Variants in RHOU observed in about 807,000 individuals in gnomAD.
RHOU encodes the protein ras homolog family member U.
Under a neutral mutation model 12.6 loss-of-function variants are expected in RHOU, and 8 were observed. The ratio of observed to expected loss-of-function variants is 0.64; its 90% CI spans 0.37 to 1.15. RHOU has a LOEUF of 1.15. Among genes scored for constraint, RHOU ranks in the 50% most tolerant of loss-of-function variants. RHOU has a pLI of 0.01. For synonymous variants in RHOU, 161 were observed against 147.4 expected (o/e 1.09, Z -0.67); for missense variants, 258 against 347.0 (o/e 0.74, Z 2.04).
rs1662648211 is a variant in RHOU at position 228,738,023 on chromosome 1, C to A, written c.321+292C>A. Among the ~76,000 whole-genome samples, 1 of 152,224 alleles carries A rather than the reference C, an allele frequency of 6.6e-6. No individual in the cohort carries two copies. The highest frequency in any genetic ancestry group is 2.1e-4 in the South Asian group (1 of 4,836). On this transcript the variant is annotated intron_variant, in intron 2 of 2. Coordinates refer to ENST00000366691, the MANE Select transcript of RHOU (RefSeq NM_021205.6). The surrounding 1 kb of genome is among the most constrained non-coding windows in gnomAD (Gnocchi z 4.2). ...CTCTTGTAGGAGTTTCTATTACTTACTCCCTGGTTTTTATGAAAAAATTTC... is the reference window on the plus strand; with the variant it reads ...CTCTTGTAGGAGTTTCTATTACTTAATCCCTGGTTTTTATGAAAAAATTTC...
At chr1:228,721,094 G>C in the RHOU span, among the ~76,000 whole-genome samples, 1 of 152,176 alleles carries the variant, frequency 6.6e-6, no homozygotes, top group African/African-American at 2.4e-5. Context: ...TTGAGGTCAG[G>C]AGTTTGAGAC....
chr1:228,684,284 G>A, the RHOU span, among the ~76,000 whole-genome samples: 369 of 151,236 alleles, frequency 2.4e-3, no homozygotes, highest in Non-Finnish European at 4.3e-3. Context: ...TGATCCTCCC[G>A]CCTCAGCCTC....
At chr1:228,697,577 G>A in the RHOU span, among the ~76,000 whole-genome samples, 1 of 152,154 alleles carries the variant, frequency 6.6e-6, no homozygotes, top group African/African-American at 2.4e-5. Flanking sequence ...TAGGTTTATC[G>A]TGCTGACTGG....
the RHOU span, among the ~76,000 whole-genome samples, chr1:228,689,890 C>T: frequency 6.6e-6 from 1 of 152,136 alleles, no homozygotes; most frequent in African/African-American, 2.4e-5. Context: ...TATAAGCCAT[C>T]TGTGAACCAT....
At position 228,735,737 on chromosome 1, in the gene RHOU, G is replaced by C; in HGVS notation, c.-6G>C. On this transcript the variant is annotated 5_prime_UTR_variant, in exon 1 of 3. Coordinates refer to ENST00000366691, the MANE Select transcript of RHOU (RefSeq NM_021205.6). This position sits in a 1 kb window ranked among gnomAD's most constrained non-coding sequence, Gnocchi z 8.1. ...CCCGCGACCGCAAGCCCGCGCTCGC[G>C]GATCGATGCCCCCGCAGCAGGGGGA... is the stretch of plus-strand genomic sequence containing the variant. 8.3e-7 allele frequency: 1 copy of C among 1,204,520 alleles called. No individual in the cohort carries two copies. Among genetic ancestry groups the C allele is most frequent in the East Asian group, 3.5e-5 (1 of 28,974 alleles). 74.6% of individuals were successfully genotyped at this position (1,204,520 alleles called of 1,614,324 possible). A position where few individuals can be genotyped will look rare whatever the true frequency, so the allele number is the denominator to read the frequency against.
At chr1:228,703,196 A>G in the RHOU span, among the ~76,000 whole-genome samples, 19 of 152,334 alleles carry the variant, frequency 1.2e-4, no homozygotes, top group Non-Finnish European at 2.5e-4. Flanking sequence ...ACCCTTTCAA[A>G]TGGAAATTTC....
the RHOU span, among the ~76,000 whole-genome samples, chr1:228,728,256 A>G: frequency 6.6e-6 from 1 of 152,218 alleles, no homozygotes; most frequent in Non-Finnish European, 1.5e-5. Context: ...CAGCGAGTCT[A>G]GCCTTTCTCC....
Position 228,743,209 on chromosome 1 carries a change from GA to G in RHOU, c.322-71del. On this transcript the variant is annotated intron_variant, in intron 2 of 2. Transcript: ENST00000366691. The surrounding 1 kb of genome is among the most constrained non-coding windows in gnomAD (Gnocchi z 5.1). ...TCTATCACCTGCCAGACCCTTTCAT[GA>G]AAAATGTGAAGGTGATCTTTTTACT... The G allele has an allele frequency of 1.5e-6, 2 of 1,352,656 alleles. No homozygotes were observed. The highest frequency in any genetic ancestry group is 1.4e-5 in the African/African-American group (1 of 69,318). The allele number at this position is 1,352,656 out of a possible 1,614,324, so 83.8% of individuals were successfully genotyped here.
At chr1:228,659,085 C>CA in the RHOU span, among the ~76,000 whole-genome samples, 1 of 150,376 alleles carries the variant, frequency 6.6e-6, no homozygotes. Context: ...TTTAAAAAAA[C>CA]AAAAAACAAA....
the RHOU span, among the ~76,000 whole-genome samples, chr1:228,691,621 CCA>C: frequency 2.0e-5 from 3 of 152,114 alleles, no homozygotes; most frequent in Admixed American, 6.5e-5. Flanking sequence ...TCAGGATGTA[CCA>C]CAGTTTACTT....
the RHOU span, among the ~76,000 whole-genome samples, chr1:228,705,209 T>C: frequency 9.2e-5 from 14 of 152,172 alleles, no homozygotes; most frequent in African/African-American, 3.4e-4. Context: ...AGCCCTCATT[T>C]TAAAATGCAC....
the RHOU span, among the ~76,000 whole-genome samples, chr1:228,713,393 G>A: frequency 1.3e-5 from 2 of 152,134 alleles, no homozygotes; most frequent in Non-Finnish European, 2.9e-5. Flanking sequence ...CGGTTTCAGT[G>A]CCCAGGGAAG....
At chr1:228,723,595 T>G in the RHOU span, among the ~76,000 whole-genome samples, 2 of 152,232 alleles carry the variant, frequency 1.3e-5, no homozygotes, top group African/African-American at 2.4e-5. Context: ...TCTAATGGCC[T>G]GCATTTGCAT....
the RHOU span, among the ~76,000 whole-genome samples, chr1:228,661,802 T>C: frequency 6.6e-6 from 1 of 152,072 alleles, no homozygotes. Context: ...CCAAAAGCAA[T>C]GGCAACAAAA....
the RHOU span, among the ~76,000 whole-genome samples, chr1:228,688,465 A>C: frequency 2.0e-5 from 3 of 152,110 alleles, no homozygotes; most frequent in Non-Finnish European, 4.4e-5. Context: ...TTGGGTTGCA[A>C]ATCTCCCATT....
Position 228,745,365 on chromosome 1 carries a change from G to C in RHOU, c.*1625G>C, listed in dbSNP as rs1662806637. The stretch of plus-strand genomic sequence containing the variant: ...ACAACTAATGAGGGAAATCTGTAAA[G>C]CCAGTTAGATAGAAGAATTTTATTT... On this transcript the variant is annotated 3_prime_UTR_variant, in exon 3 of 3. Coordinates refer to ENST00000366691, the MANE Select transcript of RHOU (RefSeq NM_021205.6). 6.6e-6 allele frequency: 1 copy of C among 152,206 alleles called. No individual in the cohort carries two copies. The highest frequency in any genetic ancestry group is 1.5e-5 in the Non-Finnish European group (1 of 68,034). The allele number at this position is 152,206 out of a possible 1,614,324, so 9.4% of individuals were successfully genotyped here.
chr1:228,729,730 A>T, the RHOU span, among the ~76,000 whole-genome samples: 1 of 152,228 alleles, frequency 6.6e-6, no homozygotes, highest in Non-Finnish European at 1.5e-5. Context: ...GCCTAATCTG[A>T]CTAGTATAAA....
the RHOU span, among the ~76,000 whole-genome samples, chr1:228,682,653 T>C: frequency 6.6e-6 from 1 of 152,080 alleles, no homozygotes. Context: ...CAAAGTACGT[T>C]GATCAGTTAG....
the RHOU span, among the ~76,000 whole-genome samples, chr1:228,701,413 C>T: frequency 6.6e-6 from 1 of 152,086 alleles, no homozygotes; most frequent in Non-Finnish European, 1.5e-5. Flanking sequence ...CAGAATCTAT[C>T]TCTCCTTTTC....
Sources: allele counts gnomAD v4.1 joint callset (sites outside exome capture counted in the v4.1 genomes callset), GRCh38; gene constraint gnomAD v4.1.1; non-coding constraint Gnocchi (gnomAD v3.1); transcripts MANE v1.5; gene names NCBI Gene and HGNC (gene_info 2026-07-23, HGNC 2026-07-21).